Variants in CDH23 observed in about 807,000 individuals in gnomAD.
CDH23 encodes the protein cadherin related 23, also known as cadherin-23.
A neutral mutation model predicts 317.1 loss-of-function variants in CDH23; 189 were observed. The observed-to-expected ratio is 0.60, with a 90% CI of 0.53 to 0.67. The LOEUF (loss-of-function observed/expected upper bound fraction) is 0.67, where lower values mean the gene tolerates loss of function less well. Ranked by LOEUF, CDH23 falls within the 30% of genes least tolerant of loss-of-function variation. CDH23 has a pLI of 0.00. For missense variants in CDH23, 4,401 were observed against 4,592.4 expected (o/e 0.96, Z 1.20); for synonymous variants, 1,839 against 1,876.8 (o/e 0.98, Z 0.52).
chr10:71,811,860 A>C, intron 65 of CDH23, 95 bp from the exon 66 acceptor site: 2 of 1,590,984 alleles, frequency 1.3e-6, no homozygotes, highest in Non-Finnish European at 1.7e-6. Flanking sequence ...TGGGCCCAGG[A>C]CCATGCCCCG....
At chr10:71,574,028 C>A (rs538784753) in intron 8 of CDH23, among the ~76,000 whole-genome samples, 60 of 152,062 alleles carry the variant, frequency 3.9e-4, no homozygotes, top group African/African-American at 1.4e-3. Flanking sequence ...AGTGTAGAAC[C>A]CTGATTTAAC....
chr10:71,784,792 C>T, intron 42 of CDH23, 99 bp from the exon 43 acceptor site: 1 of 882,740 alleles, frequency 1.1e-6, no homozygotes, highest in East Asian at 2.5e-5. Flanking sequence ...CTGCACCCTC[C>T]CTCCCTCCAT....
At chr10:71,735,372 C>T (rs572028415) in intron 34 of CDH23, among the ~76,000 whole-genome samples, 2 of 152,156 alleles carry the variant, frequency 1.3e-5, no homozygotes, top group African/African-American at 2.4e-5. Context: ...AGCCAGACAA[C>T]GTTCCTAGAA....
chr10:71,529,092 T>C (rs1386957287), intron 6 of CDH23, among the ~76,000 whole-genome samples: 2 of 152,246 alleles, frequency 1.3e-5, no homozygotes, highest in African/African-American at 4.8e-5. Context: ...CTCAGCCGTA[T>C]TTTAACACAC....
chr10:71,800,898 C>A, intron 53 of CDH23, 143 bp downstream of exon 53: 2 of 1,170,364 alleles, frequency 1.7e-6, no homozygotes, highest in Non-Finnish European at 2.4e-6. Context: ...AAGGAGAAGG[C>A]AAGAGGGTAA....
chr10:71,489,759 C>G (rs1281627420), intron 3 of CDH23, among the ~76,000 whole-genome samples: 4 of 152,068 alleles, frequency 2.6e-5, no homozygotes, highest in Non-Finnish European at 4.4e-5. Flanking sequence ...AAGCTCACTA[C>G]TTGTCTGGGA....
rs894003566 is a variant in CDH23 at position 71,690,598 on chromosome 10, C to A, written c.2176+14C>A. 5 of 1,542,022 alleles carry A rather than the reference C, an allele frequency of 3.2e-6. No homozygotes were observed. In the East Asian group the frequency reaches 9.5e-5, roughly 29 times the overall value. ...ATGCCCGCTCAGGTGAGCCCCCCCACCCCAAGTACCCTGGTCCTCCACACC... is the reference window on the plus strand; with the variant it reads ...ATGCCCGCTCAGGTGAGCCCCCCCAACCCAAGTACCCTGGTCCTCCACACC... On this transcript the variant is annotated intron_variant, in intron 20 of 69. Transcript: ENST00000224721.
chr10:71,560,109 C>T (rs1857056502), intron 6 of CDH23, among the ~76,000 whole-genome samples: 1 of 152,192 alleles, frequency 6.6e-6, no homozygotes, highest in African/African-American at 2.4e-5. Flanking sequence ...ATCACTGCTC[C>T]CCCATAAGCT....
At chr10:71,808,042 A>C in intron 60 of CDH23, 35 bp downstream of exon 60, 2 of 1,559,726 alleles carry the variant, frequency 1.3e-6, no homozygotes, top group Non-Finnish European at 1.7e-6. Context: ...GCCTCTAGCC[A>C]TGACCTCTCA....
At chr10:71,479,636 T>C (rs1342062957) in intron 3 of CDH23, among the ~76,000 whole-genome samples, 1 of 152,132 alleles carries the variant, frequency 6.6e-6, no homozygotes, top group African/African-American at 2.4e-5. Context: ...CTGGGAAGCC[T>C]CACATCTTAC....
At chr10:71,667,233 G>A (rs951910072) in intron 14 of CDH23, among the ~76,000 whole-genome samples, 3 of 152,204 alleles carry the variant, frequency 2.0e-5, no homozygotes, top group African/African-American at 7.2e-5. Context: ...GTGCGTGCCT[G>A]CCAGCCTGTG....
intron 24 of CDH23, among the ~76,000 whole-genome samples, chr10:71,704,145 G>C (rs1865692099): frequency 6.6e-6 from 1 of 152,200 alleles, no homozygotes; most frequent in South Asian, 2.1e-4. Flanking sequence ...CTCTCGTCCA[G>C]TTTGCTGGAT....
intron 3 of CDH23, among the ~76,000 whole-genome samples, chr10:71,446,889 A>G (rs1850196272): frequency 6.6e-6 from 1 of 152,114 alleles, no homozygotes; most frequent in Admixed American, 6.5e-5. Context: ...CCTGCCTCCT[A>G]CATCTGTGGC....
intron 11 of CDH23, among the ~76,000 whole-genome samples, chr10:71,643,526 G>A (rs1035204285): frequency 6.6e-6 from 1 of 151,736 alleles, no homozygotes; most frequent in Non-Finnish European, 1.5e-5. Flanking sequence ...TTCTGGGTGA[G>A]AGTGGACAGA....
chr10:71,537,910 C>T lies in CDH23; in HGVS notation c.429+26698C>T, dbSNP rs894688674. ...CTGAAGCCGACTCCTCCCACTCACTCGGCTGGTATAGAGCAGAGCTGGGAT... is the reference window on the plus strand; with the variant it reads ...CTGAAGCCGACTCCTCCCACTCACTTGGCTGGTATAGAGCAGAGCTGGGAT... On this transcript the variant is annotated intron_variant, in intron 6 of 69. Coordinates refer to ENST00000224721, the MANE Select transcript of CDH23 (RefSeq NM_022124.6). 2.0e-5 allele frequency among the ~76,000 whole-genome samples: 3 copies of T among 152,354 alleles called. No homozygotes were observed. In the East Asian group the frequency reaches 5.8e-4, roughly 29 times the overall value.
intron 41 of CDH23, among the ~76,000 whole-genome samples, chr10:71,780,050 A>T (rs1589417319): frequency 6.6e-6 from 1 of 152,272 alleles, no homozygotes; most frequent in Admixed American, 6.5e-5. Flanking sequence ...GGGACTGCGC[A>T]GCCACAACTC....
intron 3 of CDH23, among the ~76,000 whole-genome samples, chr10:71,502,062 C>G (rs988599855): frequency 6.6e-6 from 1 of 152,242 alleles, no homozygotes; most frequent in African/African-American, 2.4e-5. Flanking sequence ...AGGACCCTTG[C>G]TTCCCTCTCT....
chr10:71,539,775 T>C (rs1194889332), intron 6 of CDH23, among the ~76,000 whole-genome samples: 1 of 151,960 alleles, frequency 6.6e-6, no homozygotes, highest in Non-Finnish European at 1.5e-5. Flanking sequence ...TTCTTTCCCA[T>C]CTTCTCCCAT....
chr10:71,488,062 T>C (rs918090323), intron 3 of CDH23, among the ~76,000 whole-genome samples: 1 of 152,230 alleles, frequency 6.6e-6, no homozygotes, highest in Admixed American at 6.5e-5. Context: ...ACCTCAGCTA[T>C]TGTCCACTAG....
Sources: allele counts gnomAD v4.1 joint callset (sites outside exome capture counted in the v4.1 genomes callset), GRCh38; gene constraint gnomAD v4.1.1; transcripts MANE v1.5; gene names NCBI Gene and HGNC (gene_info 2026-07-23, HGNC 2026-07-21).